Variants in FSCN2 observed in about 807,000 individuals in gnomAD.
FSCN2 encodes the protein fascin actin-bundling protein 2, retinal, also known as fascin-2.
Under a neutral mutation model 37.8 loss-of-function variants are expected in FSCN2, and 46 were observed. The observed-to-expected ratio is 1.22, with a 90% CI of 0.96 to 1.56. The LOEUF is 1.56. FSCN2 is among the 40% of genes most tolerant of loss of function. The pLI is 0.00. For missense variants in FSCN2, 844 were observed against 730.4 expected (o/e 1.16, Z -1.79); for synonymous variants, 351 against 309.4 (o/e 1.13, Z -1.41).
rs781831783 is a variant in FSCN2, at chr17:81,529,262, C to T, written c.731C>T (p.Thr244Met). The change falls in exon 1 of 5, where the codon ACG (threonine) becomes ATG (methionine). Residue 244 changes from threonine to methionine, a missense_variant. Physicochemically the swap from Thr to Met is moderately conservative, Grantham distance 81. Transcript: ENST00000417245. ...GGCACCCTCAAGGCCGGCCGAAACA[C>T]GCGACCTGGCAAGGATGAGCTCTTT... Reference protein sequence around the residue: ...PAGTLKAGRNTRPGKDELFDL... With the variant: ...PAGTLKAGRNMRPGKDELFDL... 2.8e-5 allele frequency: 44 copies of T among 1,594,982 alleles called. No homozygotes were observed. The highest frequency in any genetic ancestry group is 2.0e-4 in the East Asian group (9 of 44,418).
chr17:81,531,177 GTGA>G (rs1171232811), intron 1 of FSCN2, among the ~76,000 whole-genome samples: 17 of 145,852 alleles, frequency 1.2e-4, no homozygotes, highest in Middle Eastern at 3.5e-3. Flanking sequence ...GGTGGTGATG[GTGA>G]TGATGGTGGT....
upstream of FSCN2, among the ~76,000 whole-genome samples, chr17:81,524,893 TCACACA>T (rs138139508): frequency 9.8e-5 from 12 of 122,838 alleles, no homozygotes; most frequent in African/African-American, 1.7e-4. Context: ...ATGAGCACCT[TCACACA>T]CACACACACA....
rs1568077233 is a variant in FSCN2 at position 81,531,354 on chromosome 17, GTGA to G, written c.826+2000_826+2002del. On this transcript the variant is annotated intron_variant, in intron 1 of 4. Coordinates refer to ENST00000417245, the MANE Select transcript of FSCN2 (RefSeq NM_012418.4). ...GGTGGTGATGGTGGTGGTGATGATG[GTGA>G]TGGTGATGATGGTGGTGGTGATGGT... is the stretch of plus-strand genomic sequence containing the variant. Among the ~76,000 whole-genome samples, 92 of 124,394 alleles carry G rather than the reference GTGA, an allele frequency of 7.4e-4. 2 individuals carry two copies. Among genetic ancestry groups the G allele is most frequent in the South Asian group, 2.4e-3 (9 of 3,770 alleles). 81.6% of individuals were successfully genotyped at this position (124,394 alleles called of 152,430 possible).
At chr17:81,535,377 A>G (rs1219518083) in intron 2 of FSCN2, among the ~76,000 whole-genome samples, 169 bp downstream of exon 2, 1 of 123,916 alleles carries the variant, frequency 8.1e-6, no homozygotes, top group Admixed American at 8.3e-5. Context: ...CATCACCATC[A>G]TCGCCATCCC....
intron 3 of FSCN2, 98 bp from the exon 4 acceptor site, chr17:81,536,524 C>T (rs751685438): frequency 1.9e-6 from 3 of 1,558,326 alleles, no homozygotes; most frequent in African/African-American, 1.4e-5. Context: ...GCCTGGGTCC[C>T]TAAGTCCAGG....
chr17:81,519,179 C>T, the FSCN2 span: 1 of 152,394 alleles, frequency 6.6e-6, no homozygotes, highest in East Asian at 1.9e-4. Flanking sequence ...GCGGTCCAGC[C>T]CGGCTGCACG....
At chr17:81,535,866 TCCATCCCCATCC>T (rs1357407532) in intron 2 of FSCN2, among the ~76,000 whole-genome samples, 1 of 69,448 alleles carries the variant, frequency 1.4e-5, no homozygotes, top group Non-Finnish European at 2.8e-5. Flanking sequence ...CATCCCCCTC[TCCATCCCCATCC>T]CCATCTCCAT....
At chr17:81,532,398 ATGATAGTGATGGTGATGATGGTGATGG>A (rs2032707854) in intron 1 of FSCN2, among the ~76,000 whole-genome samples, 1 of 131,134 alleles carries the variant, frequency 7.6e-6, no homozygotes, top group Non-Finnish European at 1.6e-5. Flanking sequence ...GATGATGGTG[ATGATAGTGATGGTGATGATGGTGATGG>A]TGATGATAAT....
At chr17:81,515,226 G>A in the FSCN2 span, among the ~76,000 whole-genome samples, 2 of 152,164 alleles carry the variant, frequency 1.3e-5, no homozygotes, top group Non-Finnish European at 1.5e-5. Flanking sequence ...CCAAGGTCGC[G>A]CGGGGCCTGT....
In FSCN2 at chr17:81,528,826, C is replaced by T. The variant is rs782014114; in HGVS notation, c.295C>T (p.Arg99Cys). 20 of 1,558,328 alleles carry T rather than the reference C, an allele frequency of 1.3e-5. No homozygotes were observed. Among genetic ancestry groups the T allele is most frequent in the Admixed American group, 3.8e-5 (2 of 52,336 alleles). ...CCTGGTCCTGCCGCAGCCAGATGGG[C>T]GCTGGGTGCTGCGGTCCGAGCCGCA... is the stretch of plus-strand genomic sequence containing the variant. Reference protein sequence around the residue: ...RFLVLPQPDGRWVLRSEPHGR... With the variant: ...RFLVLPQPDGCWVLRSEPHGR... The change falls in exon 1 of 5, where the codon CGC becomes TGC. Residue 99 changes from arginine (R) to cysteine (C), a missense_variant. Coordinates refer to ENST00000417245, the MANE Select transcript of FSCN2 (RefSeq NM_012418.4).
intron 1 of FSCN2, among the ~76,000 whole-genome samples, chr17:81,531,369 G>GTGA (rs2032573304): frequency 1.2e-5 from 1 of 84,650 alleles, no homozygotes. Context: ...GGTGATGATG[G>GTGA]TGGTGGTGAT....
chr17:81,533,906 G>A (rs957207128), intron 1 of FSCN2, among the ~76,000 whole-genome samples: 1 of 152,144 alleles, frequency 6.6e-6, no homozygotes, highest in Non-Finnish European at 1.5e-5. Context: ...TTCAGTGCCC[G>A]CAGGGACGGC....
In FSCN2 at chr17:81,535,213, G is replaced by A. The variant is rs1226844676; in HGVS notation, c.983+5G>A. 1.3e-6 allele frequency: 2 copies of A among 1,524,994 alleles called. No individual in the cohort carries two copies. The highest frequency in any genetic ancestry group is 1.8e-6 in the Non-Finnish European group (2 of 1,140,110). 94.5% of individuals were successfully genotyped at this position (1,524,994 alleles called of 1,614,324 possible). A position where few individuals can be genotyped will look rare whatever the true frequency, so the allele number is the denominator to read the frequency against. Reference sequence around the variant, plus strand: ...TCACGCCACAGCCACACAAGTGTGAGTGCACACATCCCTTCCTCCTCCATC... The same window carrying A: ...TCACGCCACAGCCACACAAGTGTGAATGCACACATCCCTTCCTCCTCCATC... On this transcript the variant is annotated splice_donor_5th_base_variant and intron_variant, in intron 2 of 4. Coordinates refer to ENST00000417245, the MANE Select transcript of FSCN2 (RefSeq NM_012418.4).
At chr17:81,532,311 GCGA>G (rs2032694927) in intron 1 of FSCN2, among the ~76,000 whole-genome samples, 1 of 121,636 alleles carries the variant, frequency 8.2e-6, no homozygotes. Flanking sequence ...GATAGTGATG[GCGA>G]TGATGGTGAT....
Position 81,536,420 on chromosome 17 carries a change from C to T in FSCN2, c.1105+153C>T, listed in dbSNP as rs2032879137. 12 of 1,443,708 alleles carry T rather than the reference C, an allele frequency of 8.3e-6. No homozygotes were observed. In the South Asian group the frequency reaches 9.3e-5, roughly 11 times the overall value. The allele number at this position is 1,443,708 out of a possible 1,614,324, so 89.4% of individuals were successfully genotyped here. On this transcript the variant is annotated intron_variant, in intron 3 of 4. Coordinates refer to ENST00000417245, the MANE Select transcript of FSCN2 (RefSeq NM_012418.4). Reference sequence around the variant, plus strand: ...GTCATACTTGCTAGTCAAGATAACTCGTCTTGGCAAGGGAAACAGGTCTGA... The same window carrying T: ...GTCATACTTGCTAGTCAAGATAACTTGTCTTGGCAAGGGAAACAGGTCTGA...
the FSCN2 span, among the ~76,000 whole-genome samples, chr17:81,521,923 A>G: frequency 6.6e-6 from 1 of 152,250 alleles, no homozygotes; most frequent in Non-Finnish European, 1.5e-5. Flanking sequence ...AACTTCGGTA[A>G]TGACACTTGT....
chr17:81,534,647 C>T lies in FSCN2; in HGVS notation c.827-405C>T, dbSNP rs1375766482. On this transcript the variant is annotated intron_variant, in intron 1 of 4. Coordinates refer to ENST00000417245, the MANE Select transcript of FSCN2 (RefSeq NM_012418.4). ...CAGGGGTGCCCCATCACCATCCGCA[C>T]CATCCCCTTCATTAGGTCCTGCCTG... is the stretch of plus-strand genomic sequence containing the variant. Among the ~76,000 whole-genome samples the T allele has an allele frequency of 2.0e-5, 3 of 151,926 alleles. No individual in the cohort carries two copies. The East Asian group carries it at 5.8e-4, about 29-fold the overall frequency.
chr17:81,524,163 C>T (rs1435269285), upstream of FSCN2, among the ~76,000 whole-genome samples: 8 of 152,198 alleles, frequency 5.3e-5, no homozygotes, highest in African/African-American at 1.7e-4. Flanking sequence ...CACCAGGTGC[C>T]GGTGGGGGCG....
chr17:81,529,454 C>T (rs782531900), intron 1 of FSCN2, 97 bp downstream of exon 1: 44 of 967,164 alleles, frequency 4.5e-5, no homozygotes, highest in Non-Finnish European at 6.6e-5. Context: ...GGTATCGTGT[C>T]TGTGCGTTCA....
Sources: gnomAD v4.1 joint callset for allele counts (sites outside exome capture counted in the v4.1 genomes callset) on GRCh38, gnomAD v4.1.1 for gene constraint, MANE v1.5 for transcripts, NCBI Gene and HGNC (gene_info 2026-07-23, HGNC 2026-07-21) for gene names.